Variants in NOS2 observed in about 807,000 individuals in gnomAD.
NOS2 encodes nitric oxide synthase 2, also known as nitric oxide synthase, inducible.
Under a neutral mutation model 136.0 loss-of-function variants are expected in NOS2, and 96 were observed. That is an observed-to-expected ratio of 0.71 (90% CI 0.60 to 0.84). The LOEUF is 0.84. Among genes scored for constraint, NOS2 ranks in the 40% least tolerant of loss-of-function variants. The pLI is 0.00. For synonymous variants in NOS2, 539 were observed against 587.5 expected, an observed-to-expected ratio of 0.92 and a Z score of 1.20; for missense variants, 1,237 against 1,496.9, an observed-to-expected ratio of 0.83 and a Z score of 2.87.
chr17:27,782,538 C>A (rs1908885087), intron 6 of NOS2, among the ~76,000 whole-genome samples: 1 of 152,176 alleles, frequency 6.6e-6, no homozygotes, highest in Non-Finnish European at 1.5e-5. Context: ...TATCCTGCAA[C>A]AAATGACTCC....
At chr17:27,797,656 T>C (rs1413915090) in intron 2 of NOS2, among the ~76,000 whole-genome samples, 2 of 152,204 alleles carry the variant, frequency 1.3e-5, no homozygotes, top group Admixed American at 1.3e-4. Context: ...TGTGGCTATG[T>C]GGTGGTCTTG....
At chr17:27,770,223 T>C (rs1908447110) in intron 15 of NOS2, among the ~76,000 whole-genome samples, 1 of 152,218 alleles carries the variant, frequency 6.6e-6, no homozygotes, top group Non-Finnish European at 1.5e-5. Flanking sequence ...CTCACGCCTA[T>C]AATCCCAGCA....
At chr17:27,765,793 C>T (rs916822944) in intron 19 of NOS2, 77 bp from the exon 20 acceptor site, 10 of 1,414,862 alleles carry the variant, frequency 7.1e-6, no homozygotes, top group South Asian at 2.8e-5. Context: ...GCGAGATTCC[C>T]CAGGAAATGT....
rs1380127321 is a variant in NOS2, at chr17:27,789,584, C to T, written c.195+20G>A. ...GGACCAGGGAGGAAGGGGCTTCCCA[C>T]ACCCATGTGACTCACTGACCTTTCC... On this transcript the variant is annotated intron_variant, in intron 3 of 26. Coordinates refer to ENST00000313735, the MANE Select transcript of NOS2 (RefSeq NM_000625.4). The T allele has an allele frequency of 1.3e-6, 2 of 1,589,342 alleles. No individual in the cohort carries two copies. Among genetic ancestry groups the T allele is most frequent in the Non-Finnish European group, 8.6e-7 (1 of 1,157,502 alleles).
chr17:27,796,108 A>G (rs571182881), intron 2 of NOS2, among the ~76,000 whole-genome samples: 2 of 152,282 alleles, frequency 1.3e-5, no homozygotes, highest in African/African-American at 4.8e-5. Flanking sequence ...TGGACAACAG[A>G]GCAAGATTCT....
Position 27,758,954 on chromosome 17 carries a change from G to C in NOS2, c.3281C>G (p.Thr1094Ser). ...DVRMARDVAHTLKQLVAAKLK... is the reference protein window; with the variant it reads ...DVRMARDVAHSLKQLVAAKLK... The stretch of plus-strand genomic sequence containing the variant: ...CTTGGCAGCCACCAGCTGCTTCAGG[G>C]TGTGGGCCACGTCCCGGGCCATGCG... Residue 1094 changes from threonine to serine, a missense_variant, in exon 26 of 27, where the codon ACC (threonine) becomes AGC (serine). By Grantham distance (58) the Thr-to-Ser change is moderately conservative. Around this residue, in one of 3 missense-constraint regions of NOS2, gnomAD observed 782 missense variants for 909.9 expected, o/e 0.86. Transcript: ENST00000313735. 6 of 1,612,786 alleles carry C rather than the reference G, an allele frequency of 3.7e-6. No homozygotes were observed. Among genetic ancestry groups the C allele is most frequent in the Non-Finnish European group, 5.1e-6 (6 of 1,179,448 alleles).
intron 20 of NOS2, among the ~76,000 whole-genome samples, chr17:27,764,485 C>A (rs888373492): frequency 6.6e-6 from 1 of 152,258 alleles, no homozygotes; most frequent in South Asian, 2.1e-4. Context: ...GGATACCTCA[C>A]AGGCCAGTTG....
chr17:27,799,790 C>CA (rs35834812), intron 1 of NOS2, among the ~76,000 whole-genome samples: 31,498 of 122,136 alleles, frequency 0.26, 3,570 homozygotes, highest in Middle Eastern at 0.3. Context: ...AGGCTGTTTC[C>CA]AAAAAAAAAA....
At chr17:27,793,713 C>T in intron 2 of NOS2, 1 of 394,046 alleles carries the variant, frequency 2.5e-6, no homozygotes, top group Non-Finnish European at 4.5e-6. Context: ...TCCTTAGGCG[C>T]AGCTCCGCTG....
chr17:27,785,359 G>A (rs965448938), intron 5 of NOS2, among the ~76,000 whole-genome samples: 2 of 152,094 alleles, frequency 1.3e-5, no homozygotes, highest in Non-Finnish European at 2.9e-5. Flanking sequence ...ATTAACAACC[G>A]AGCTGAAAGG....
In NOS2 at chr17:27,770,993, G is replaced by A. The variant is rs1908476982; in HGVS notation, c.1729C>T (p.Leu577=). 1.2e-6 allele frequency: 2 copies of A among 1,614,018 alleles called. No individual in the cohort carries two copies. The highest frequency in any genetic ancestry group is 1.7e-6 in the Non-Finnish European group (2 of 1,179,960). ...AGCCGTTCCTCCTCCAGGCAGCTCA[G>A]CCTGTACTTATCCATGCAGACAACC... ...PKVVCMDKYR[L]SCLEEERLLL... Residue 577 remains leucine, a synonymous_variant, in exon 15 of 27, where the codon CTG becomes TTG. Transcript: ENST00000313735.
chr17:27,759,494 C>CA (rs1285019214), intron 25 of NOS2, among the ~76,000 whole-genome samples: 1 of 152,158 alleles, frequency 6.6e-6, no homozygotes, highest in African/African-American at 2.4e-5. Context: ...GTCCAGGAGT[C>CA]AGTCAGGGAC....
chr17:27,777,297 T>C (rs948856817), intron 11 of NOS2, among the ~76,000 whole-genome samples: 9 of 152,228 alleles, frequency 5.9e-5, no homozygotes, highest in African/African-American at 1.2e-4. Context: ...TGGTGGGGTC[T>C]CCAGGGCATC....
intron 11 of NOS2, among the ~76,000 whole-genome samples, chr17:27,777,909 G>A (rs28999382): frequency 1.7e-3 from 262 of 152,164 alleles, no homozygotes; most frequent in African/African-American, 6.1e-3. Flanking sequence ...GGCAAGCGTG[G>A]TATGCACCTG....
At chr17:27,761,304 C>T in intron 22 of NOS2, 73 bp from the exon 23 acceptor site, 3 of 1,043,884 alleles carry the variant, frequency 2.9e-6, no homozygotes, top group African/African-American at 4.1e-5. Flanking sequence ...GCTCCGCCCA[C>T]ACCACGGCCC....
chr17:27,798,563 G>C, intron 2 of NOS2, 137 bp downstream of exon 2: 1 of 649,232 alleles, frequency 1.5e-6, no homozygotes, highest in Non-Finnish European at 2.8e-6. Context: ...ATTCCAACAG[G>C]GACTTTCAAG....
At chr17:27,788,669 G>T in intron 4 of NOS2, 140 bp downstream of exon 4, 1 of 968,676 alleles carries the variant, frequency 1.0e-6, no homozygotes, top group Non-Finnish European at 1.5e-6. Flanking sequence ...AATCTGTGAG[G>T]AATGTCTCTG....
chr17:27,772,311 G>C lies in NOS2; in HGVS notation c.1701C>G (p.Pro567=), dbSNP rs1381308436. The C allele has an allele frequency of 6.2e-7, 1 of 1,614,016 alleles. No homozygotes were observed. Among genetic ancestry groups the C allele is most frequent in the African/African-American group, 1.3e-5 (1 of 74,930 alleles). The change falls in exon 14 of 27, where the codon CCC becomes CCG. Residue 567 remains proline, a synonymous_variant. Transcript: ENST00000313735. ...AGCCATCCCACTGAGCCAGTACCTT[G>C]GGGTTGAAGGCACAGCTGAATAAGG... ...LGALFSCAFN[P]KVVCMDKYRL...
chr17:27,776,061 A>G (rs4239250), intron 11 of NOS2, among the ~76,000 whole-genome samples: 29,353 of 152,110 alleles, frequency 0.19, 2,923 homozygotes, highest in Middle Eastern at 0.25. Flanking sequence ...GAAGGGCAGA[A>G]GAGAGGATAC....
Sources: allele counts gnomAD v4.1 joint callset (sites outside exome capture counted in the v4.1 genomes callset), GRCh38; gene constraint gnomAD v4.1.1; regional missense constraint gnomAD v4.1.1; transcripts MANE v1.5; gene names NCBI Gene and HGNC (gene_info 2026-07-23, HGNC 2026-07-21).